The following DOCK8 variants were observed in gnomAD, a reference collection of about 807,000 sequenced individuals.
The protein encoded by DOCK8 is dedicator of cytokinesis protein 8.
A neutral mutation model predicts 245.6 loss-of-function variants in DOCK8; 141 were observed. The ratio of observed to expected loss-of-function variants is 0.57; its 90% CI spans 0.50 to 0.66. DOCK8 has a LOEUF of 0.66. Ranked by LOEUF, DOCK8 falls within the 30% of genes least tolerant of loss-of-function variation. The pLI is 0.00. For synonymous variants in DOCK8, 1,168 were observed against 970.2 expected, an observed-to-expected ratio of 1.20 and a Z score of -3.79; for missense variants, 2,965 against 2,603.4, an observed-to-expected ratio of 1.14 and a Z score of -3.02.
chr9:261,096 A>AC (rs1260063751), intron 1 of DOCK8, among the ~76,000 whole-genome samples: 1 of 152,094 alleles, frequency 6.6e-6, no homozygotes, highest in African/African-American at 2.4e-5. Context: ...AAAAAAAAAA[A>AC]AAAAAAGAAA....
chr9:362,619 C>G (rs1025162974), intron 14 of DOCK8, among the ~76,000 whole-genome samples: 4 of 152,190 alleles, frequency 2.6e-5, no homozygotes, highest in Non-Finnish European at 4.4e-5. Flanking sequence ...TCCTTCTCTC[C>G]TGCTGGCTGA....
intron 2 of DOCK8, among the ~76,000 whole-genome samples, chr9:285,482 C>G (rs991482954): frequency 2.0e-5 from 3 of 152,140 alleles, no homozygotes; most frequent in African/African-American, 7.2e-5. Context: ...CCCCAACCTC[C>G]CTTGGGCTGA....
Position 443,593 on chromosome 9 carries a change from C to G in DOCK8, c.5580+77C>G, listed in dbSNP as rs1045398034. On this transcript the variant is annotated intron_variant, in intron 43 of 47. Coordinates refer to ENST00000432829, the MANE Select transcript of DOCK8 (RefSeq NM_203447.4). ...TCTACCCAAGAATACCTAATGATCT[C>G]ATCTATCTGGACTCTCCAAGTCACT... 41 of 1,181,562 alleles carry G rather than the reference C, an allele frequency of 3.5e-5. No individual in the cohort carries two copies. The African/African-American group carries it at 5.7e-4, about 16-fold the overall frequency. The allele number at this position is 1,181,562 out of a possible 1,614,324, so 73.2% of individuals were successfully genotyped here.
chr9:317,949 A>G (rs757231577), intron 7 of DOCK8, among the ~76,000 whole-genome samples: 17 of 147,248 alleles, frequency 1.2e-4, no homozygotes, highest in African/African-American at 2.8e-4. Flanking sequence ...GTTGCATCCA[A>G]ACGTTTCAAT....
In DOCK8 at chr9:271,661, C is replaced by G. The variant is rs1245164919; in HGVS notation, c.88C>G (p.Leu30Val). ...AGCGGAAATAAGGAAACAGTTTACT[C>G]TCCCACCAAACCTTGGCCAGTACCA... ...SSAEIRKQFT[L>V]PPNLGQYHRQ... The change falls in exon 2 of 48, where the codon CTC becomes GTC. Residue 30 changes from leucine to valine, a missense_variant. Physicochemically the swap from Leu to Val is conservative, Grantham distance 32. Around this residue, in one of 3 missense-constraint regions of DOCK8, gnomAD observed 2,825 missense variants for 2,453.5 expected, o/e 1.15. Coordinates refer to ENST00000432829, the MANE Select transcript of DOCK8 (RefSeq NM_203447.4). The G allele has an allele frequency of 6.4e-7, 1 of 1,551,580 alleles. No individual in the cohort carries two copies. The highest frequency in any genetic ancestry group is 8.7e-7 in the Non-Finnish European group (1 of 1,146,750).
intron 1 of DOCK8, among the ~76,000 whole-genome samples, chr9:249,907 C>T (rs971414440): frequency 3.9e-5 from 6 of 152,024 alleles, no homozygotes; most frequent in African/African-American, 9.7e-5. Context: ...GGATTACAGG[C>T]GTGAACTGCT....
At chr9:446,244 C>G in intron 43 of DOCK8, 126 bp from the exon 44 acceptor site, 1 of 821,818 alleles carries the variant, frequency 1.2e-6, no homozygotes, top group Non-Finnish European at 2.1e-6. Context: ...TCCCCTGCAT[C>G]TGTAGCTTTT....
intron 14 of DOCK8, among the ~76,000 whole-genome samples, chr9:360,819 G>A (rs1022351330): frequency 2.6e-5 from 4 of 152,074 alleles, no homozygotes; most frequent in African/African-American, 7.3e-5. Flanking sequence ...GTAAGCAAAT[G>A]GATTTTAGTC....
rs1293444070 is a variant in DOCK8 at position 449,644 on chromosome 9, T to TA, written c.5818-138dup. On this transcript the variant is annotated intron_variant, in intron 44 of 47. Coordinates refer to ENST00000432829, the MANE Select transcript of DOCK8 (RefSeq NM_203447.4). ...AGGCCCATCTTTCTTTTTAACCTGT[T>TA]AAGAGTATTTTAAATTACTCTGAAA... 8 of 1,044,360 alleles carry TA rather than the reference T, an allele frequency of 7.7e-6. No individual in the cohort carries two copies. The East Asian group carries it at 1.7e-4, about 23-fold the overall frequency. The allele number at this position is 1,044,360 out of a possible 1,614,324, so 64.7% of individuals were successfully genotyped here. A position where few individuals can be genotyped will look rare whatever the true frequency, so the allele number is the denominator to read the frequency against.
intron 12 of DOCK8, among the ~76,000 whole-genome samples, chr9:337,149 G>A (rs2130900528): frequency 6.6e-6 from 1 of 152,218 alleles, no homozygotes; most frequent in Non-Finnish European, 1.5e-5. Flanking sequence ...ATTCAATCAC[G>A]TCTTAAAGGC....
At chr9:308,943 C>T (rs2049974258) in intron 5 of DOCK8, among the ~76,000 whole-genome samples, 1 of 152,222 alleles carries the variant, frequency 6.6e-6, no homozygotes, top group South Asian at 2.1e-4. Context: ...AGGCATGAGC[C>T]ACCGCACCTG....
intron 1 of DOCK8, among the ~76,000 whole-genome samples, chr9:249,391 C>A (rs588412): frequency 0.58 from 87,778 of 151,982 alleles, 25,654 homozygotes; most frequent in East Asian, 0.8. Flanking sequence ...GTGATGTTTT[C>A]TATACTGTCA....
intron 11 of DOCK8, among the ~76,000 whole-genome samples, chr9:335,517 G>A (rs1308644251): frequency 6.6e-6 from 1 of 152,148 alleles, no homozygotes; most frequent in Admixed American, 6.6e-5. Context: ...TCACCAGTCA[G>A]AACTCCTGGG....
chr9:295,738 A>T (rs2130455245), intron 4 of DOCK8, among the ~76,000 whole-genome samples: 1 of 152,262 alleles, frequency 6.6e-6, no homozygotes, highest in South Asian at 2.1e-4. Context: ...ATATCTAGAG[A>T]TAGGCTTTTA....
At chr9:405,226 C>T (rs1347463747) in intron 27 of DOCK8, 153 bp downstream of exon 27, 10 of 750,314 alleles carry the variant, frequency 1.3e-5, no homozygotes, top group East Asian at 2.7e-5. Context: ...CCTGAAGTTA[C>T]ACCACTAGCT....
chr9:370,388 C>T, intron 16 of DOCK8, 88 bp downstream of exon 16: 1 of 1,178,974 alleles, frequency 8.5e-7, no homozygotes, highest in African/African-American at 1.5e-5. Flanking sequence ...TTCCTCCTAA[C>T]TATTTTTATA....
chr9:434,026 G>T (rs1265243161), intron 38 of DOCK8, 51 bp downstream of exon 38: 1 of 1,341,984 alleles, frequency 7.5e-7, no homozygotes, highest in Admixed American at 1.7e-5. Context: ...TCGAGGATTT[G>T]TCACTGTGGA....
intron 24 of DOCK8, among the ~76,000 whole-genome samples, chr9:393,112 AAAGAAGAAG>A (rs1273404478): frequency 7.6e-6 from 1 of 131,824 alleles, no homozygotes; most frequent in South Asian, 2.1e-4. Context: ...AAAAAAAAAA[AAAGAAGAAG>A]AAGAAGAAGA....
intron 1 of DOCK8, among the ~76,000 whole-genome samples, chr9:244,339 C>T (rs530185304): frequency 7.9e-5 from 12 of 151,862 alleles, no homozygotes; most frequent in South Asian, 6.2e-4. Flanking sequence ...ACTTCATTTC[C>T]ATTTCCAATT....
Sources: gnomAD v4.1 joint callset for allele counts (sites outside exome capture counted in the v4.1 genomes callset) on GRCh38, gnomAD v4.1.1 for gene constraint, gnomAD v4.1.1 regional missense constraint, MANE v1.5 for transcripts, NCBI Gene and HGNC (gene_info 2026-07-23, HGNC 2026-07-21) for gene names.